Variants in PRKCA observed in about 807,000 individuals in gnomAD.
PRKCA encodes protein kinase C alpha, also known as protein kinase C alpha type.
A neutral mutation model predicts 87.0 loss-of-function variants in PRKCA; 27 were observed. The observed-to-expected ratio is 0.31, with a 90% CI of 0.23 to 0.43. The LOEUF (loss-of-function observed/expected upper bound fraction) is 0.43. PRKCA is among the 20% of genes least tolerant of loss of function. The pLI, the probability that PRKCA is intolerant of heterozygous loss-of-function variation, is 1.00. For missense variants in PRKCA, 518 were observed against 852.3 expected, an observed-to-expected ratio of 0.61 and a Z score of 4.88; for synonymous variants, 329 against 311.1, an observed-to-expected ratio of 1.06 and a Z score of -0.61.
intron 3 of PRKCA, among the ~76,000 whole-genome samples, chr17:66,540,819 G>A (rs1967960320): frequency 1.3e-5 from 2 of 152,146 alleles, no homozygotes; most frequent in South Asian, 4.1e-4. Context: ...GTAATTATTA[G>A]TATCATGGTT....
In PRKCA at chr17:66,805,208, G is replaced by A; in HGVS notation, c.*1171G>A. The A allele has an allele frequency of 1.1e-6, 1 of 890,336 alleles. No homozygotes were observed. Among genetic ancestry groups the A allele is most frequent in the Non-Finnish European group, 1.3e-6 (1 of 743,438 alleles). 55.2% of individuals were successfully genotyped at this position (890,336 alleles called of 1,614,324 possible). ...TGGAGCTGTAGAATCAGGAAACCCG[G>A]ATGCCTAACAGCTCAAAGATGTTTT... On this transcript the variant is annotated 3_prime_UTR_variant, in exon 17 of 17. Transcript: ENST00000413366.
intron 14 of PRKCA, among the ~76,000 whole-genome samples, chr17:66,778,962 T>A (rs77800166): frequency 0.032 from 4,840 of 152,004 alleles, 106 homozygotes; most frequent in Middle Eastern, 0.099. Context: ...TCAAACACAG[T>A]GTTTTCATTC....
At chr17:66,786,452 A>G (rs956227068) in intron 14 of PRKCA, among the ~76,000 whole-genome samples, 1 of 152,102 alleles carries the variant, frequency 6.6e-6, no homozygotes, top group Non-Finnish European at 1.5e-5. Context: ...CTTCACCCCA[A>G]ATGAAAGTGT....
chr17:66,532,433 T>C (rs1967585536), intron 3 of PRKCA, among the ~76,000 whole-genome samples: 1 of 151,808 alleles, frequency 6.6e-6, no homozygotes, highest in South Asian at 2.1e-4. Flanking sequence ...TGGTGCGATC[T>C]TGGCTCACTG....
In PRKCA at chr17:66,762,614, G is replaced by A. The variant is rs776525715; in HGVS notation, c.1525-11373G>A. Among the ~76,000 whole-genome samples, 5 of 152,066 alleles carry A rather than the reference G, an allele frequency of 3.3e-5. 1 individual carries two copies. Among genetic ancestry groups the A allele is most frequent in the South Asian group, 4.2e-4 (2 of 4,816 alleles). On this transcript the variant is annotated intron_variant, in intron 13 of 16. Coordinates refer to ENST00000413366, the MANE Select transcript of PRKCA (RefSeq NM_002737.3). ...GGGTGTTTCACTTCTCCCCTGCTGC[G>A]GGGCTTTCTGTTTATGACGCTCTGG...
chr17:66,512,120 C>T (rs138958191), intron 3 of PRKCA, among the ~76,000 whole-genome samples: 62 of 152,252 alleles, frequency 4.1e-4, no homozygotes, highest in Non-Finnish European at 7.2e-4. Flanking sequence ...CTACAGTTTA[C>T]CCTCCACAGT....
chr17:66,429,718 C>G (rs990149512), intron 2 of PRKCA, among the ~76,000 whole-genome samples: 1 of 152,140 alleles, frequency 6.6e-6, no homozygotes, highest in Non-Finnish European at 1.5e-5. Flanking sequence ...TCCCTGCCCC[C>G]AATCCTGCCT....
At chr17:66,606,013 CTG>C (rs1160588433) in intron 3 of PRKCA, among the ~76,000 whole-genome samples, 1 of 152,144 alleles carries the variant, frequency 6.6e-6, no homozygotes, top group African/African-American at 2.4e-5. Context: ...TGGGAGCACA[CTG>C]TATTAAAAAC....
At chr17:66,720,578 C>T (rs554813855) in intron 8 of PRKCA, among the ~76,000 whole-genome samples, 4 of 152,168 alleles carry the variant, frequency 2.6e-5, no homozygotes, top group Non-Finnish European at 5.9e-5. Context: ...AAAGGCATTA[C>T]CTTAGAGGTA....
At chr17:66,464,568 A>G (rs944762375) in intron 2 of PRKCA, among the ~76,000 whole-genome samples, 5 of 152,088 alleles carry the variant, frequency 3.3e-5, no homozygotes, top group Non-Finnish European at 7.4e-5. Context: ...GGCCATTCTA[A>G]TAGGTGTGTA....
At chr17:66,775,266 G>A (rs564561899) in intron 14 of PRKCA, 2 of 985,096 alleles carry the variant, frequency 2.0e-6, no homozygotes, top group African/African-American at 3.5e-5. Flanking sequence ...GGTTTCTCCT[G>A]TCCGTCAGCC....
At chr17:66,786,042 A>G (rs1048913890) in intron 14 of PRKCA, among the ~76,000 whole-genome samples, 1 of 152,162 alleles carries the variant, frequency 6.6e-6, no homozygotes, top group Non-Finnish European at 1.5e-5. Context: ...GTTAGCCAGG[A>G]TGGTCTCGAT....
intron 2 of PRKCA, among the ~76,000 whole-genome samples, chr17:66,308,481 C>G (rs920153967): frequency 6.6e-6 from 1 of 152,060 alleles, no homozygotes; most frequent in Non-Finnish European, 1.5e-5. Context: ...ATTTACAAAC[C>G]AGACAAATTA....
At chr17:66,421,121 G>C (rs1377584069) in intron 2 of PRKCA, among the ~76,000 whole-genome samples, 1 of 152,128 alleles carries the variant, frequency 6.6e-6, no homozygotes, top group Non-Finnish European at 1.5e-5. Context: ...GTTGAAAAAT[G>C]CTTGCCTGAT....
rs146954536 is a variant in PRKCA at position 66,440,206 on chromosome 17, G to C, written c.206-55995G>C. Among the ~76,000 whole-genome samples the C allele has an allele frequency of 2.5e-3, 375 of 152,280 alleles. 10 individuals carry two copies. The highest frequency in any genetic ancestry group is 0.022 in the Admixed American group (339 of 15,294). ...TTGAATTGATTAAACTCAAGTGACT[G>C]ACAAGGCGAATAAAAATAGCCCAAA... On this transcript the variant is annotated intron_variant, in intron 2 of 16. Coordinates refer to ENST00000413366, the MANE Select transcript of PRKCA (RefSeq NM_002737.3).
At chr17:66,800,775 C>G (rs1038494988) in intron 16 of PRKCA, among the ~76,000 whole-genome samples, 13 of 152,222 alleles carry the variant, frequency 8.5e-5, no homozygotes, top group African/African-American at 3.1e-4. Flanking sequence ...TCTATCTGTG[C>G]AGCCCTAAAT....
chr17:66,489,352 CATATATATAT>C (rs10529618), intron 2 of PRKCA, among the ~76,000 whole-genome samples: 5,836 of 98,746 alleles, frequency 0.059, 172 homozygotes, highest in Middle Eastern at 0.08. Flanking sequence ...CTTAGCAGTG[CATATATATAT>C]ATATATATAT....
At chr17:66,687,554 A>G (rs536303486) in intron 6 of PRKCA, among the ~76,000 whole-genome samples, 1 of 152,332 alleles carries the variant, frequency 6.6e-6, no homozygotes, top group African/African-American at 2.4e-5. Context: ...TTTAAGCTAA[A>G]AATGTGTCAG....
At position 66,496,268 on chromosome 17, in the gene PRKCA, G is replaced by A. The variant is rs760628881; in HGVS notation, c.273G>A (p.Lys91=). 1.9e-6 allele frequency: 3 copies of A among 1,613,732 alleles called. No homozygotes were observed. The highest frequency in any genetic ancestry group is 2.5e-6 in the Non-Finnish European group (3 of 1,179,634). The change falls in exon 3 of 17, where the codon AAG becomes AAA. Residue 91 remains lysine, a synonymous_variant. Transcript: ENST00000413366. ...FVTFSCPGAD[K]GPDTDDPRSK... ...CTTTTTCTTGTCCGGGTGCGGATAAGGGACCCGACACTGATGTAAGTAGTC... is the reference window on the plus strand; with the variant it reads ...CTTTTTCTTGTCCGGGTGCGGATAAAGGACCCGACACTGATGTAAGTAGTC...
Sources: gnomAD v4.1 joint callset for allele counts (sites outside exome capture counted in the v4.1 genomes callset) on GRCh38, gnomAD v4.1.1 for gene constraint, MANE v1.5 for transcripts, NCBI Gene and HGNC (gene_info 2026-07-23, HGNC 2026-07-21) for gene names.